EPRS1: variants seen among roughly 807,000 people sequenced by gnomAD.
EPRS1 encodes bifunctional glutamate/proline--tRNA ligase.
In EPRS1, 107 loss-of-function variants were observed where a neutral mutation model predicts 188.3. The observed-to-expected ratio is 0.57, with a 90% CI of 0.49 to 0.67. The LOEUF is 0.67. Among genes scored for constraint, EPRS1 ranks in the 30% least tolerant of loss-of-function variants. The probability of loss-of-function intolerance (pLI) is 0.00; values close to 1 mark genes in which losing one functional copy is unlikely to be tolerated. For synonymous variants in EPRS1, 596 were observed against 593.1 expected, an observed-to-expected ratio of 1.00 and a Z score of -0.07; for missense variants, 1,577 against 1,802.2, an observed-to-expected ratio of 0.88 and a Z score of 2.26.
At chr1:220,000,292 A>G (rs540997609) in intron 17 of EPRS1, among the ~76,000 whole-genome samples, 19 of 152,382 alleles carry the variant, frequency 1.2e-4, no homozygotes, top group African/African-American at 4.6e-4. Context: ...TCCATGAGTT[A>G]TTGAATAATA....
At chr1:220,029,920 C>T (rs1260954688) in intron 6 of EPRS1, among the ~76,000 whole-genome samples, 1 of 152,018 alleles carries the variant, frequency 6.6e-6, no homozygotes, top group Non-Finnish European at 1.5e-5. Context: ...GGTTGGGAAA[C>T]CTAATGGAAA....
intron 3 of EPRS1, among the ~76,000 whole-genome samples, chr1:220,034,590 G>A (rs763295798): frequency 3.3e-5 from 5 of 152,144 alleles, no homozygotes; most frequent in South Asian, 2.1e-4. Context: ...TGCCTTATCC[G>A]TAAAGTAAGA....
intron 28 of EPRS1, among the ~76,000 whole-genome samples, chr1:219,975,425 C>T (rs935033616): frequency 1.3e-5 from 2 of 152,096 alleles, no homozygotes; most frequent in African/African-American, 2.4e-5. Context: ...ATGCATCCTG[C>T]GGTGGTTTTT....
intron 2 of EPRS1, among the ~76,000 whole-genome samples, chr1:220,039,414 T>C (rs980292754): frequency 1.3e-5 from 2 of 152,148 alleles, no homozygotes; most frequent in East Asian, 1.9e-4. Flanking sequence ...TGCTGAAAAA[T>C]TTAAGTCTCT....
chr1:220,006,031 G>A (rs559381976), intron 15 of EPRS1, 75 bp downstream of exon 15: 123 of 841,512 alleles, frequency 1.5e-4, no homozygotes, highest in Middle Eastern at 2.7e-4. Context: ...CTGAGGATCC[G>A]AAATATATAA....
intron 20 of EPRS1, among the ~76,000 whole-genome samples, chr1:219,984,594 T>C (rs1161851689): frequency 6.6e-6 from 1 of 152,194 alleles, no homozygotes; most frequent in Admixed American, 6.5e-5. Flanking sequence ...TTTTTTATTT[T>C]TATTTTTTGG....
In EPRS1 at chr1:219,983,170, A is replaced by C; in HGVS notation, c.3300+19T>G. The C allele has an allele frequency of 6.3e-7, 1 of 1,579,450 alleles. No homozygotes were observed. Among genetic ancestry groups the C allele is most frequent in the Non-Finnish European group, 8.6e-7 (1 of 1,163,156 alleles). ...TTGTCAGAGAACATTGCAAAAAATAAAAAAGCAAGCTCACTTACCTCTGGG... is the reference window on the plus strand; with the variant it reads ...TTGTCAGAGAACATTGCAAAAAATACAAAAGCAAGCTCACTTACCTCTGGG... On this transcript the variant is annotated intron_variant, in intron 22 of 31. Transcript: ENST00000366923.
rs1445822751 is a variant in EPRS1, at chr1:219,987,202, T to C, written c.2978A>G (p.Gln993Arg). 1 of 1,613,998 alleles carries C rather than the reference T, an allele frequency of 6.2e-7. No individual in the cohort carries two copies. The highest frequency in any genetic ancestry group is 1.3e-5 in the African/African-American group (1 of 74,926). Residue 993 changes from glutamine (Q) to arginine (R), a missense_variant, in exon 20 of 32, where the codon CAA (glutamine) becomes CGA (arginine). Gln to Arg is a conservative substitution (Grantham distance 43, BLOSUM62 1). Around this residue, in one of 3 missense-constraint regions of EPRS1, gnomAD observed 1,278 missense variants for 1,457.4 expected, o/e 0.88. Coordinates refer to ENST00000366923, the MANE Select transcript of EPRS1 (RefSeq NM_004446.3). ...DGQRKDPSKN[Q>R]GGGLSSSGAG... The stretch of plus-strand genomic sequence containing the variant: ...TCCACTTGATGAGAGCCCACCTCCT[T>C]GGTTTTTAGAAGGGTCTTTCCTTTG...
chr1:219,994,640 CTTTTTTTTTT>C lies in EPRS1; in HGVS notation c.2541+2333_2541+2342del, dbSNP rs71169424. 1.5e-3 allele frequency among the ~76,000 whole-genome samples: 165 copies of C among 109,486 alleles called. 1 individual carries two copies. Among genetic ancestry groups the C allele is most frequent in the African/African-American group, 5.6e-3 (156 of 27,922 alleles). The allele number at this position is 109,486 out of a possible 152,430, so 71.8% of individuals were successfully genotyped here. ...CAGAAATATGCCGTGGTAACTTCTT[CTTTTTTTTTT>C]TTTTTTTTTTTTTTTTTTTTGAGAT... On this transcript the variant is annotated intron_variant, in intron 18 of 31. Coordinates refer to ENST00000366923, the MANE Select transcript of EPRS1 (RefSeq NM_004446.3).
chr1:220,004,276 C>T lies in EPRS1; in HGVS notation c.2063+972G>A, dbSNP rs193093067. ...CTTGAACTCCTGGCCTCAAGTAATC[C>T]TCTTGCCTCAGCCTTGCAAAGTGCT... is the stretch of plus-strand genomic sequence containing the variant. On this transcript the variant is annotated intron_variant, in intron 16 of 31. Transcript: ENST00000366923. 3.3e-5 allele frequency among the ~76,000 whole-genome samples: 5 copies of T among 152,266 alleles called. No individual in the cohort carries two copies. In the East Asian group the frequency reaches 9.7e-4, roughly 29 times the overall value.
At chr1:219,969,170 C>T (rs1660620629) in intron 30 of EPRS1, 48 bp from the exon 31 acceptor site, 3 of 1,265,886 alleles carry the variant, frequency 2.4e-6, no homozygotes, top group African/African-American at 2.9e-5. Flanking sequence ...TCCTTCAATT[C>T]TATTCTGCAG....
chr1:219,985,203 T>C (rs557766753), intron 20 of EPRS1, among the ~76,000 whole-genome samples: 1 of 152,236 alleles, frequency 6.6e-6, no homozygotes, highest in African/African-American at 2.4e-5. Flanking sequence ...AGGCAATGTA[T>C]TTGTAATAGA....
chr1:219,989,609 T>A (rs1661080795), intron 18 of EPRS1, among the ~76,000 whole-genome samples: 1 of 152,134 alleles, frequency 6.6e-6, no homozygotes, highest in African/African-American at 2.4e-5. Context: ...GATAGCTAAA[T>A]GAAACCAGGC....
chr1:219,987,717 G>C (rs1661032993), intron 19 of EPRS1, among the ~76,000 whole-genome samples: 1 of 152,180 alleles, frequency 6.6e-6, no homozygotes, highest in Admixed American at 6.5e-5. Context: ...AAATTATAAA[G>C]ATTATGATAA....
chr1:220,000,511 G>A (rs780193762), intron 17 of EPRS1, among the ~76,000 whole-genome samples: 4 of 151,974 alleles, frequency 2.6e-5, no homozygotes, highest in Non-Finnish European at 5.9e-5. Flanking sequence ...AAACCATACC[G>A]CTCTTTTAAC....
At chr1:220,005,707 G>A (rs571070560) in intron 15 of EPRS1, among the ~76,000 whole-genome samples, 10 of 152,102 alleles carry the variant, frequency 6.6e-5, no homozygotes, top group Admixed American at 6.5e-4. Context: ...AAATACGAGG[G>A]TCAGATTTGA....
intron 26 of EPRS1, 43 bp from the exon 27 acceptor site, chr1:219,979,658 A>G: frequency 7.4e-7 from 1 of 1,351,216 alleles, no homozygotes; most frequent in Non-Finnish European, 1.1e-6. Context: ...TTAATAACCT[A>G]TTATGCCCTT....
In EPRS1 at chr1:219,971,204, T is replaced by C. The variant is rs1052697521; in HGVS notation, c.4323+865A>G. Among the ~76,000 whole-genome samples the C allele has an allele frequency of 3.9e-5, 6 of 152,316 alleles. 1 individual carries two copies. The South Asian group carries it at 8.3e-4, about 21-fold the overall frequency. On this transcript the variant is annotated intron_variant, in intron 30 of 31. Coordinates refer to ENST00000366923, the MANE Select transcript of EPRS1 (RefSeq NM_004446.3). ...TTGTAACCTGAGGACACAGGATTGG[T>C]TGTATATTCAAACATGTATACCAGA...
At chr1:220,018,152 AAGC>A (rs1661759340) in intron 12 of EPRS1, 1 of 1,370,090 alleles carries the variant, frequency 7.3e-7, no homozygotes, top group African/African-American at 1.4e-5. Flanking sequence ...CGCAGCTTGA[AAGC>A]AGAAAAATGA....
Sources: gnomAD v4.1 joint callset for allele counts (sites outside exome capture counted in the v4.1 genomes callset) on GRCh38, gnomAD v4.1.1 for gene constraint, gnomAD v4.1.1 regional missense constraint, MANE v1.5 for transcripts, NCBI Gene and HGNC (gene_info 2026-07-23, HGNC 2026-07-21) for gene names.